Variants in KIF14 observed in about 807,000 individuals in gnomAD.
The protein encoded by KIF14 is kinesin family member 14.
In KIF14, 98 loss-of-function variants were observed where a neutral mutation model predicts 176.2. That is an observed-to-expected ratio of 0.56 (90% CI 0.47 to 0.66). KIF14 has a LOEUF of 0.66. KIF14 is among the 30% of genes least tolerant of loss of function. The pLI is 0.00. For synonymous variants in KIF14, 566 were observed against 632.2 expected (o/e 0.90, Z 1.57); for missense variants, 1,751 against 1,920.4 (o/e 0.91, Z 1.65).
At chr1:200,556,517 C>A (rs138207862) in intron 27 of KIF14, among the ~76,000 whole-genome samples, 13 of 152,190 alleles carry the variant, frequency 8.5e-5, no homozygotes, top group African/African-American at 2.9e-4. Flanking sequence ...GTTTGTCATA[C>A]TATAGAAAGA....
At chr1:200,602,172 T>C in intron 10 of KIF14, 104 bp from the exon 11 acceptor site, 1 of 847,640 alleles carries the variant, frequency 1.2e-6, no homozygotes, top group Admixed American at 2.9e-5. Context: ...TACAGTATTA[T>C]TATACTCTAC....
intron 18 of KIF14, among the ~76,000 whole-genome samples, chr1:200,586,944 T>G (rs796463829): frequency 4.6e-5 from 7 of 152,198 alleles, no homozygotes; most frequent in African/African-American, 1.7e-4. Context: ...ATGGTCTCAC[T>G]TATAAGTGAC....
intron 4 of KIF14, among the ~76,000 whole-genome samples, chr1:200,611,094 A>T (rs1157336605): frequency 3.3e-5 from 5 of 152,190 alleles, no homozygotes; most frequent in African/African-American, 1.2e-4. Flanking sequence ...TAGAGGCCAA[A>T]AACGGGAAAC....
intron 18 of KIF14, among the ~76,000 whole-genome samples, chr1:200,588,774 A>G (rs1224870066): frequency 2.0e-5 from 3 of 152,210 alleles, no homozygotes; most frequent in Non-Finnish European, 4.4e-5. Context: ...GCCTGAGCTC[A>G]TAAGACTGAG....
intron 15 of KIF14, among the ~76,000 whole-genome samples, chr1:200,593,033 C>T (rs1351381335): frequency 6.6e-6 from 1 of 152,160 alleles, no homozygotes; most frequent in Non-Finnish European, 1.5e-5. Flanking sequence ...TATGTTATCT[C>T]ATTTACGATT....
intron 14 of KIF14, among the ~76,000 whole-genome samples, chr1:200,597,568 C>T (rs1387249285): frequency 2.0e-5 from 3 of 152,230 alleles, no homozygotes; most frequent in Non-Finnish European, 4.4e-5. Context: ...GTATTGGCAA[C>T]GATGTGGAGT....
chr1:200,575,863 G>A (rs1218311842), intron 21 of KIF14, among the ~76,000 whole-genome samples, 172 bp from the exon 22 acceptor site: 1 of 151,994 alleles, frequency 6.6e-6, no homozygotes, highest in Non-Finnish European at 1.5e-5. Flanking sequence ...TCAATCACAC[G>A]ATGACAGGGA....
intron 19 of KIF14, among the ~76,000 whole-genome samples, chr1:200,584,613 C>T (rs1229981113): frequency 6.6e-6 from 1 of 152,170 alleles, no homozygotes; most frequent in Non-Finnish European, 1.5e-5. Context: ...ATCATATGAT[C>T]ATTTCAATAG....
At chr1:200,605,535 C>T (rs1038657230) in intron 7 of KIF14, 145 bp from the exon 8 acceptor site, 1 of 544,602 alleles carries the variant, frequency 1.8e-6, no homozygotes, top group African/African-American at 2.0e-5. Context: ...ATAACATATA[C>T]ACATTTGTAA....
chr1:200,555,706 T>G (rs781401940), intron 27 of KIF14, among the ~76,000 whole-genome samples: 37 of 152,230 alleles, frequency 2.4e-4, no homozygotes, highest in Non-Finnish European at 4.6e-4. Flanking sequence ...CTTTATAATC[T>G]CTCTCATTTA....
At chr1:200,600,286 T>C in intron 12 of KIF14, 70 bp downstream of exon 12, 1 of 1,487,016 alleles carries the variant, frequency 6.7e-7, no homozygotes, top group Non-Finnish European at 9.4e-7. Flanking sequence ...CAGTATCCTC[T>C]TGAGGTCCCT....
intron 4 of KIF14, among the ~76,000 whole-genome samples, chr1:200,612,073 G>A (rs887391711): frequency 9.9e-5 from 15 of 151,414 alleles, no homozygotes; most frequent in African/African-American, 3.6e-4. Flanking sequence ...CATGATCTCA[G>A]CTCAGTGCAA....
intron 8 of KIF14, among the ~76,000 whole-genome samples, chr1:200,604,809 A>G (rs1263902823): frequency 1.3e-5 from 2 of 152,108 alleles, no homozygotes; most frequent in South Asian, 2.1e-4. Flanking sequence ...GTTTATCTGA[A>G]TGGTGGAACC....
chr1:200,594,881 T>C (rs1659249839), intron 14 of KIF14, among the ~76,000 whole-genome samples: 1 of 152,228 alleles, frequency 6.6e-6, no homozygotes, highest in Non-Finnish European at 1.5e-5. Flanking sequence ...CCTACCAGTC[T>C]AGTGTCTTAT....
At chr1:200,591,973 A>G in intron 16 of KIF14, 107 bp downstream of exon 16, 1 of 910,946 alleles carries the variant, frequency 1.1e-6, no homozygotes, top group South Asian at 1.8e-5. Context: ...TTATATCACT[A>G]GAAACCAGCA....
Position 200,601,920 on chromosome 1 carries a change from C to T in KIF14, c.2128G>A (p.Asp710Asn). ...CCTCTAATTAACTTAGCGTTCATAT[C>T]TTCATTTACTTTAGCAATGTTGACT... is the stretch of plus-strand genomic sequence containing the variant. ...LIVNIAKVNE[D>N]MNAKLIRELK... Residue 710 changes from aspartate to asparagine, a missense_variant, in exon 11 of 30, where the codon GAT becomes AAT. Asp to Asn is a conservative substitution (Grantham distance 23). Coordinates refer to ENST00000367350, the MANE Select transcript of KIF14 (RefSeq NM_014875.3). 6.2e-7 allele frequency: 1 copy of T among 1,609,184 alleles called. No individual in the cohort carries two copies. Among genetic ancestry groups the T allele is most frequent in the South Asian group, 1.1e-5 (1 of 89,526 alleles).
At chr1:200,558,568 C>T (rs1656959810) in intron 27 of KIF14, among the ~76,000 whole-genome samples, 1 of 152,080 alleles carries the variant, frequency 6.6e-6, no homozygotes, top group Non-Finnish European at 1.5e-5. Flanking sequence ...ATATGATATT[C>T]ATAGGGCTTT....
intron 1 of KIF14, among the ~76,000 whole-genome samples, chr1:200,619,742 A>G (rs1463138546): frequency 6.6e-6 from 1 of 152,262 alleles, no homozygotes; most frequent in Non-Finnish European, 1.5e-5. Context: ...GGCAGTAAGT[A>G]CGATAAGTAC....
intron 19 of KIF14, among the ~76,000 whole-genome samples, chr1:200,583,510 T>C (rs1175488172): frequency 1.3e-5 from 2 of 152,150 alleles, no homozygotes; most frequent in South Asian, 2.1e-4. Flanking sequence ...ATCATTGAAG[T>C]TGGATAAATA....
Sources: allele counts gnomAD v4.1 joint callset (sites outside exome capture counted in the v4.1 genomes callset), GRCh38; gene constraint gnomAD v4.1.1; transcripts MANE v1.5; gene names NCBI Gene and HGNC (gene_info 2026-07-23, HGNC 2026-07-21).